HGF: variants seen among roughly 807,000 people sequenced by gnomAD.
The protein encoded by HGF is fibroblast-derived tumor cytotoxic factor.
A neutral mutation model predicts 111.6 loss-of-function variants in HGF; 39 were observed. That is an observed-to-expected ratio of 0.35 (90% CI 0.27 to 0.46). HGF has a LOEUF of 0.46. HGF is among the 20% of genes least tolerant of loss of function. The pLI is 1.00. For missense variants in HGF, 735 were observed against 910.5 expected, an observed-to-expected ratio of 0.81 and a Z score of 2.48; for synonymous variants, 285 against 294.8, an observed-to-expected ratio of 0.97 and a Z score of 0.34.
intron 8 of HGF, among the ~76,000 whole-genome samples, chr7:81,727,261 T>C (rs1790042340): frequency 6.6e-6 from 1 of 151,572 alleles, no homozygotes; most frequent in Non-Finnish European, 1.5e-5. Context: ...GCCAGGATGG[T>C]CTCAATCTCC....
chr7:81,757,789 A>G (rs1788853811), intron 3 of HGF, among the ~76,000 whole-genome samples: 1 of 152,020 alleles, frequency 6.6e-6, no homozygotes, highest in Non-Finnish European at 1.5e-5. Flanking sequence ...TTTTGCAAAC[A>G]TTTCCACTGC....
chr7:81,757,001 T>A (rs1011926415), intron 4 of HGF, 188 bp downstream of exon 4: 74 of 606,182 alleles, frequency 1.2e-4, no homozygotes, highest in African/African-American at 1.2e-3. Flanking sequence ...TTGGCTACAT[T>A]TTATTAACAT....
At chr7:81,712,257 A>G (rs990554734) in intron 11 of HGF, among the ~76,000 whole-genome samples, 1 of 152,160 alleles carries the variant, frequency 6.6e-6, no homozygotes, top group Non-Finnish European at 1.5e-5. Context: ...TTGATAGGCC[A>G]TTTGCTTCTG....
intron 2 of HGF, 150 bp downstream of exon 2, chr7:81,762,557 C>T (rs972252646): frequency 1.5e-6 from 1 of 684,054 alleles, no homozygotes; most frequent in South Asian, 1.7e-5. Flanking sequence ...AAACTGAGAG[C>T]TAAGTCTTCG....
rs1275810655 is a variant in HGF, at chr7:81,700,888, C to T, written c.*1693G>A. 1 of 151,500 alleles carries T rather than the reference C, an allele frequency of 6.6e-6. No individual in the cohort carries two copies. Among genetic ancestry groups the T allele is most frequent in the East Asian group, 1.9e-4 (1 of 5,156 alleles). 9.4% of individuals were successfully genotyped at this position (151,500 alleles called of 1,614,324 possible). A position where few individuals can be genotyped will look rare whatever the true frequency, so the allele number is the denominator to read the frequency against. The stretch of plus-strand genomic sequence containing the variant: ...TCCATAAACTTAAAACCATTTTAGT[C>T]CAGATTGAACAGTACTCTAAAGAGC... On this transcript the variant is annotated 3_prime_UTR_variant, in exon 18 of 18. Transcript: ENST00000222390.
rs954312187 is a variant in HGF at position 81,705,522 on chromosome 7, A to G, written c.1878T>C (p.Asp626=). ...GWGYTGLINY[D]GLLRVAHLYI... ...AGAGATGTGCCACTCGTAATAGGCC[A>G]TCATAGTTGATCACTAGATTGATGC... Residue 626 remains aspartate, a synonymous_variant, in exon 17 of 18, where the codon GAT becomes GAC. Coordinates refer to ENST00000222390, the MANE Select transcript of HGF (RefSeq NM_000601.6). 5.0e-6 allele frequency: 8 copies of G among 1,612,558 alleles called. No individual in the cohort carries two copies. The highest frequency in any genetic ancestry group is 1.3e-5 in the African/African-American group (1 of 74,832).
At chr7:81,760,295 T>C (rs1433340625) in intron 2 of HGF, among the ~76,000 whole-genome samples, 8 of 152,192 alleles carry the variant, frequency 5.3e-5, no homozygotes, top group Non-Finnish European at 1.2e-4. Flanking sequence ...CTTCCTATCT[T>C]ATTAAGTGAA....
intron 7 of HGF, among the ~76,000 whole-genome samples, chr7:81,741,430 A>T (rs1250449208): frequency 6.6e-6 from 1 of 152,164 alleles, no homozygotes; most frequent in African/African-American, 2.4e-5. Flanking sequence ...AGCCAGTGTC[A>T]TAGTCATTCT....
intron 7 of HGF, among the ~76,000 whole-genome samples, chr7:81,730,330 C>T (rs1008382615): frequency 2.0e-5 from 3 of 152,090 alleles, no homozygotes; most frequent in Admixed American, 6.6e-5. Flanking sequence ...TGGCAGGTGC[C>T]TGTAATCCCA....
intron 8 of HGF, among the ~76,000 whole-genome samples, chr7:81,727,085 A>C (rs190630396): frequency 0.015 from 2,329 of 151,438 alleles, 46 homozygotes; most frequent in Middle Eastern, 0.086. Flanking sequence ...CTGTCGCCCA[A>C]GCTGGAGTGC....
intron 6 of HGF, among the ~76,000 whole-genome samples, chr7:81,744,185 C>T (rs1026894648): frequency 3.9e-4 from 59 of 152,108 alleles, no homozygotes; most frequent in African/African-American, 1.2e-3. Context: ...AGGTGGGGGA[C>T]GGAATTTCCT....
intron 13 of HGF, among the ~76,000 whole-genome samples, chr7:81,708,561 G>A (rs190604391): frequency 3.2e-3 from 284 of 88,488 alleles, no homozygotes; most frequent in Admixed American, 7.5e-3. Context: ...TTGAGACAGA[G>A]TCTCGCTCAG....
intron 17 of HGF, among the ~76,000 whole-genome samples, chr7:81,704,484 A>C (rs573860002): frequency 3.9e-5 from 6 of 151,940 alleles, no homozygotes; most frequent in African/African-American, 1.4e-4. Flanking sequence ...AACAAATTTG[A>C]AACTGGTTAT....
At chr7:81,759,273 C>T (rs941296549) in intron 2 of HGF, among the ~76,000 whole-genome samples, 1 of 152,040 alleles carries the variant, frequency 6.6e-6, no homozygotes, top group African/African-American at 2.4e-5. Context: ...AAGTGTATAA[C>T]TGTAAAAAAT....
chr7:81,706,465 T>A, intron 14 of HGF, 38 bp from the exon 15 acceptor site: 1 of 1,512,080 alleles, frequency 6.6e-7, no homozygotes, highest in Non-Finnish European at 9.2e-7. Flanking sequence ...TAAAACATAA[T>A]AATTCCAAAT....
chr7:81,764,915 A>G (rs1789283801), intron 1 of HGF, among the ~76,000 whole-genome samples: 1 of 151,998 alleles, frequency 6.6e-6, no homozygotes, highest in Admixed American at 6.6e-5. Flanking sequence ...TAGTTTTATA[A>G]TTTCCTGTAT....
intron 1 of HGF, among the ~76,000 whole-genome samples, chr7:81,769,423 T>G (rs971813128): frequency 6.6e-6 from 1 of 152,178 alleles, no homozygotes; most frequent in East Asian, 1.9e-4. Flanking sequence ...AAGTCGTAAT[T>G]TGGCTCCAAA....
chr7:81,742,562 G>T, intron 7 of HGF: 1 of 322,734 alleles, frequency 3.1e-6, no homozygotes, highest in Non-Finnish European at 4.8e-6. Flanking sequence ...ATATCCAGTT[G>T]AAAAAAATTA....
At position 81,717,214 on chromosome 7, in the gene HGF, A is replaced by AT. The variant is rs768077111; in HGVS notation, c.1405+17dup. 6.2e-7 allele frequency: 1 copy of AT among 1,610,910 alleles called. No homozygotes were observed. Among genetic ancestry groups the AT allele is most frequent in the Non-Finnish European group, 8.5e-7 (1 of 1,177,258 alleles). On this transcript the variant is annotated intron_variant, in intron 11 of 17. Coordinates refer to ENST00000222390, the MANE Select transcript of HGF (RefSeq NM_000601.6). ...ATTTAAAATATTTCACAAGACACCA[A>AT]TCCCTAACTGTACTTACAACGAGAA... is the stretch of plus-strand genomic sequence containing the variant.
Sources: allele counts gnomAD v4.1 joint callset (sites outside exome capture counted in the v4.1 genomes callset), GRCh38; gene constraint gnomAD v4.1.1; transcripts MANE v1.5; gene names NCBI Gene and HGNC (gene_info 2026-07-23, HGNC 2026-07-21).